The following DPP10 variants were observed in gnomAD, a reference collection of about 807,000 sequenced individuals.
DPP10 encodes dipeptidyl peptidase like 10.
DPP10 carries 33 observed loss-of-function variants against 120.9 expected under a neutral mutation model. The ratio of observed to expected loss-of-function variants is 0.27; its 90% confidence interval spans 0.21 to 0.37. The LOEUF (loss-of-function observed/expected upper bound fraction) is 0.37, where lower values mean the gene tolerates loss of function less well. DPP10 is among the 10% of genes least tolerant of loss of function. The pLI is 1.00. For missense variants in DPP10, 816 were observed against 942.8 expected (o/e 0.87, Z 1.76); for synonymous variants, 337 against 326.1 (o/e 1.03, Z -0.36).
intron 19 of DPP10, among the ~76,000 whole-genome samples, chr2:115,801,790 A>G (rs903604114): frequency 7.2e-5 from 11 of 152,262 alleles, no homozygotes; most frequent in African/African-American, 2.6e-4. Context: ...AGCCCACTTG[A>G]TCATGGTGGA....
chr2:114,672,214 T>C (rs1450379332), intron 1 of DPP10, among the ~76,000 whole-genome samples: 2 of 152,162 alleles, frequency 1.3e-5, no homozygotes, highest in Non-Finnish European at 2.9e-5. Context: ...GTAGAGTGTC[T>C]GTGATTTCAG....
intron 1 of DPP10, among the ~76,000 whole-genome samples, chr2:115,136,563 C>T (rs1459473660): frequency 1.3e-5 from 2 of 152,056 alleles, no homozygotes; most frequent in Non-Finnish European, 2.9e-5. Context: ...TATGTAATGA[C>T]CTGTTCTCCC....
At position 115,105,854 on chromosome 2, in the gene DPP10, T is replaced by C. The variant is rs75164862; in HGVS notation, c.61-203385T>C. Among the ~76,000 whole-genome samples the C allele has an allele frequency of 9.7e-3, 1,473 of 152,312 alleles. 16 individuals carry two copies. The highest frequency in any genetic ancestry group is 0.033 in the African/African-American group (1,386 of 41,564). On this transcript the variant is annotated intron_variant, in intron 1 of 25. Transcript: ENST00000410059. Reference sequence around the variant, plus strand: ...TGTTGTTTCTTTTTAATTACACAAATTTTCAGTGATTATATTGAAAATCAT... The same window carrying C: ...TGTTGTTTCTTTTTAATTACACAAACTTTCAGTGATTATATTGAAAATCAT...
At chr2:114,814,342 C>T (rs1685440460) in intron 1 of DPP10, among the ~76,000 whole-genome samples, 1 of 151,446 alleles carries the variant, frequency 6.6e-6, no homozygotes, top group African/African-American at 2.4e-5. Flanking sequence ...TGAGTGAAGA[C>T]TTATTATTCC....
intron 3 of DPP10, among the ~76,000 whole-genome samples, chr2:115,447,463 C>T (rs1425183938): frequency 6.6e-6 from 1 of 152,016 alleles, no homozygotes; most frequent in East Asian, 1.9e-4. Flanking sequence ...TTGGGAGGGG[C>T]TAGGGGTGGA....
At chr2:114,596,421 T>C (rs777773539) in intron 1 of DPP10, among the ~76,000 whole-genome samples, 67 of 152,152 alleles carry the variant, frequency 4.4e-4, no homozygotes, top group Non-Finnish European at 6.6e-4. Flanking sequence ...TTTCCTTTAT[T>C]CTAGATTTCT....
intron 1 of DPP10, among the ~76,000 whole-genome samples, chr2:114,933,967 C>G (rs1696269037): frequency 6.6e-6 from 1 of 152,226 alleles, no homozygotes; most frequent in Non-Finnish European, 1.5e-5. Context: ...CTCTCACTTT[C>G]CTTCTATTTT....
chr2:115,440,157 G>C (rs554256452), intron 3 of DPP10, among the ~76,000 whole-genome samples: 3 of 148,154 alleles, frequency 2.0e-5, no homozygotes, highest in Non-Finnish European at 4.6e-5. Context: ...GTGTGTGTGC[G>C]TGTGTGTGTG....
chr2:115,274,283 A>C (rs967997115), intron 1 of DPP10, among the ~76,000 whole-genome samples: 2 of 152,198 alleles, frequency 1.3e-5, no homozygotes, highest in African/African-American at 2.4e-5. Context: ...AAACTTTACT[A>C]TTATGAACCC....
intron 3 of DPP10, among the ~76,000 whole-genome samples, chr2:115,410,509 C>T (rs2068866696): frequency 6.6e-6 from 1 of 152,078 alleles, no homozygotes; most frequent in South Asian, 2.1e-4. Context: ...AGGAAGAACA[C>T]CTAATGGATG....
chr2:115,160,847 G>A (rs979759508), intron 1 of DPP10, among the ~76,000 whole-genome samples: 9 of 152,098 alleles, frequency 5.9e-5, no homozygotes, highest in Admixed American at 2.0e-4. Flanking sequence ...CTGCAGCCAG[G>A]GGATTTGGTA....
intron 3 of DPP10, among the ~76,000 whole-genome samples, chr2:115,393,323 A>G (rs1021483130): frequency 6.6e-6 from 1 of 151,786 alleles, no homozygotes; most frequent in Non-Finnish European, 1.5e-5. Flanking sequence ...AAAAAAAAAA[A>G]AATCTATATG....
intron 1 of DPP10, among the ~76,000 whole-genome samples, chr2:114,598,899 T>A (rs1469183544): frequency 6.6e-6 from 1 of 151,864 alleles, no homozygotes; most frequent in Non-Finnish European, 1.5e-5. Context: ...TGCTTCTCAA[T>A]TAATTTTATG....
chr2:114,500,736 T>G (rs1683084712), intron 1 of DPP10, among the ~76,000 whole-genome samples: 1 of 152,182 alleles, frequency 6.6e-6, no homozygotes, highest in Non-Finnish European at 1.5e-5. Flanking sequence ...GGAAAATAGT[T>G]TTGATGTACT....
intron 1 of DPP10, among the ~76,000 whole-genome samples, chr2:114,809,163 A>T (rs982322955): frequency 6.6e-6 from 1 of 152,154 alleles, no homozygotes. Context: ...TAATAATTGA[A>T]ATAATTTGGC....
At chr2:114,885,637 C>T (rs562792885) in intron 1 of DPP10, among the ~76,000 whole-genome samples, 17 of 152,154 alleles carry the variant, frequency 1.1e-4, no homozygotes, top group African/African-American at 3.1e-4. Context: ...GTTCTTTTTT[C>T]GTTGTTCATA....
At chr2:115,388,405 T>G (rs554346007) in intron 3 of DPP10, among the ~76,000 whole-genome samples, 2 of 152,154 alleles carry the variant, frequency 1.3e-5, no homozygotes, top group African/African-American at 4.8e-5. Context: ...CTGCAGAAGA[T>G]TGTCAGAGAT....
chr2:115,499,314 C>G (rs2076560768), intron 3 of DPP10, among the ~76,000 whole-genome samples, 196 bp from the exon 4 acceptor site: 1 of 152,038 alleles, frequency 6.6e-6, no homozygotes, highest in African/African-American at 2.4e-5. Flanking sequence ...TTGTTCATTG[C>G]ACAATAGACC....
chr2:115,046,385 G>C (rs190400587), intron 1 of DPP10, among the ~76,000 whole-genome samples: 1 of 152,242 alleles, frequency 6.6e-6, no homozygotes, highest in East Asian at 1.9e-4. Context: ...AGCTTAAATA[G>C]ATTCTTAGCC....
Sources: gnomAD v4.1 joint callset for allele counts (sites outside exome capture counted in the v4.1 genomes callset) on GRCh38, gnomAD v4.1.1 for gene constraint, MANE v1.5 for transcripts, NCBI Gene and HGNC (gene_info 2026-07-23, HGNC 2026-07-21) for gene names.